EPHA6: variants seen among roughly 807,000 people sequenced by gnomAD.
The protein encoded by EPHA6 is ephrin type-A receptor 6.
Under a neutral mutation model 112.0 loss-of-function variants are expected in EPHA6, and 50 were observed. The ratio of observed to expected loss-of-function variants is 0.45; its 90% CI spans 0.36 to 0.56. EPHA6 has a LOEUF of 0.56. Ranked by LOEUF, EPHA6 falls within the 20% of genes least tolerant of loss-of-function variation. The pLI, the probability that EPHA6 is intolerant of heterozygous loss-of-function variation, is 0.00. For missense variants in EPHA6, 1,280 were observed against 1,417.4 expected (o/e 0.90, Z 1.56); for synonymous variants, 529 against 490.7 (o/e 1.08, Z -1.03).
chr3:97,500,950 C>T (rs2092102339), intron 10 of EPHA6, among the ~76,000 whole-genome samples: 1 of 151,964 alleles, frequency 6.6e-6, no homozygotes, highest in African/African-American at 2.4e-5. Context: ...TTTTCTAGTT[C>T]TAAAGTACTA....
intron 2 of EPHA6, among the ~76,000 whole-genome samples, chr3:96,920,546 T>A (rs2039702612): frequency 6.6e-6 from 1 of 151,858 alleles, no homozygotes; most frequent in Non-Finnish European, 1.5e-5. Flanking sequence ...CAAAAACAAA[T>A]CAACCAGTAA....
intron 4 of EPHA6, 68 bp downstream of exon 4, chr3:97,226,487 A>T: frequency 7.2e-7 from 1 of 1,394,870 alleles, no homozygotes; most frequent in Non-Finnish European, 9.7e-7. Flanking sequence ...TTCTAAATTT[A>T]AAAAATAAGT....
intron 3 of EPHA6, among the ~76,000 whole-genome samples, chr3:97,092,669 A>C (rs537861124): frequency 9.7e-4 from 148 of 152,060 alleles, no homozygotes; most frequent in African/African-American, 3.4e-3. Flanking sequence ...ACTCTTTTCA[A>C]CTTGAAGTGT....
intron 3 of EPHA6, among the ~76,000 whole-genome samples, chr3:97,061,493 A>G (rs2046020052): frequency 6.6e-6 from 1 of 152,188 alleles, no homozygotes; most frequent in Non-Finnish European, 1.5e-5. Context: ...AATTGCAAGG[A>G]TCAGCCCTGT....
Position 97,596,564 on chromosome 3 carries a change from A to T in EPHA6, c.2512+3827A>T, listed in dbSNP as rs553939298. Among the ~76,000 whole-genome samples, 27 of 152,010 alleles carry T rather than the reference A, an allele frequency of 1.8e-4. 1 individual carries two copies. The East Asian group carries it at 5.0e-3, about 28-fold the overall frequency. On this transcript the variant is annotated intron_variant, in intron 12 of 17. Transcript: ENST00000389672. ...ACTATCTGACATCATATGGTATCTT[A>T]AATCTACATAAAATGCAACCATTAC...
chr3:97,633,156 T>C (rs2093917954), intron 13 of EPHA6, among the ~76,000 whole-genome samples: 1 of 152,072 alleles, frequency 6.6e-6, no homozygotes, highest in South Asian at 2.1e-4. Context: ...GAGAGTCTGA[T>C]GGAGCTCTGC....
At chr3:97,129,049 T>A (rs186726447) in intron 3 of EPHA6, among the ~76,000 whole-genome samples, 24 of 147,250 alleles carry the variant, frequency 1.6e-4, no homozygotes, top group Non-Finnish European at 2.9e-4. Context: ...TATTTATATA[T>A]TTTTTTGTAG....
At chr3:97,264,764 T>C (rs2079616634) in intron 5 of EPHA6, among the ~76,000 whole-genome samples, 1 of 152,178 alleles carries the variant, frequency 6.6e-6, no homozygotes, top group Admixed American at 6.5e-5. Flanking sequence ...AGAACAGCTC[T>C]GAGGAGACCC....
chr3:97,007,216 C>T (rs2043914132), intron 3 of EPHA6, among the ~76,000 whole-genome samples: 1 of 152,062 alleles, frequency 6.6e-6, no homozygotes, highest in African/African-American at 2.4e-5. Flanking sequence ...TAAAGTTTTC[C>T]ACTGTTATTG....
At chr3:97,680,379 GTTATTTAGGACCTCAC>G (rs2031764753) in intron 14 of EPHA6, among the ~76,000 whole-genome samples, 1 of 152,198 alleles carries the variant, frequency 6.6e-6, no homozygotes, top group East Asian at 1.9e-4. Flanking sequence ...CATTGCTGAT[GTTATTTAGGACCTCAC>G]TACAAGTGTG....
intron 14 of EPHA6, among the ~76,000 whole-genome samples, chr3:97,690,760 G>T (rs572546255): frequency 3.9e-5 from 6 of 152,208 alleles, no homozygotes; most frequent in African/African-American, 1.4e-4. Flanking sequence ...GAGCCACCAT[G>T]CCCAGCCTTG....
In EPHA6 at chr3:97,608,796, A is replaced by G. The variant is rs142020376; in HGVS notation, c.2513-1997A>G. ...AGGCTAGTTAGGAAAGATGAGGTGCATCACTGGAAAGAATTGACTAACAGG... is the reference window on the plus strand; with the variant it reads ...AGGCTAGTTAGGAAAGATGAGGTGCGTCACTGGAAAGAATTGACTAACAGG... On this transcript the variant is annotated intron_variant, in intron 12 of 17. Transcript: ENST00000389672. Among the ~76,000 whole-genome samples, 336 of 151,448 alleles carry G rather than the reference A, an allele frequency of 2.2e-3. 2 individuals carry two copies. The highest frequency in any genetic ancestry group is 7.8e-3 in the African/African-American group (325 of 41,470).
chr3:96,953,287 TTTTATTTG>T (rs1333842810), intron 2 of EPHA6, among the ~76,000 whole-genome samples: 1 of 152,184 alleles, frequency 6.6e-6, no homozygotes, highest in Non-Finnish European at 1.5e-5. Flanking sequence ...TTTTGAGATG[TTTTATTTG>T]GAAATTCACT....
At chr3:97,686,040 G>A (rs2032224968) in intron 14 of EPHA6, among the ~76,000 whole-genome samples, 1 of 152,028 alleles carries the variant, frequency 6.6e-6, no homozygotes, top group Non-Finnish European at 1.5e-5. Flanking sequence ...AGCAAGATCT[G>A]TACATCTTCT....
intron 3 of EPHA6, among the ~76,000 whole-genome samples, chr3:97,176,434 C>G (rs1288355369): frequency 6.6e-6 from 1 of 151,826 alleles, no homozygotes; most frequent in Non-Finnish European, 1.5e-5. Context: ...GAATTATTCC[C>G]TCCTTCTCTG....
chr3:97,105,406 T>C (rs2047534710), intron 3 of EPHA6, among the ~76,000 whole-genome samples: 1 of 152,158 alleles, frequency 6.6e-6, no homozygotes, highest in Middle Eastern at 3.2e-3. Flanking sequence ...ATTTCATTAT[T>C]TATCCAAATG....
At chr3:97,378,228 A>C (rs1369563356) in intron 5 of EPHA6, among the ~76,000 whole-genome samples, 1 of 152,138 alleles carries the variant, frequency 6.6e-6, no homozygotes, top group African/African-American at 2.4e-5. Context: ...GCTTCAGAGG[A>C]TGCAAGCCCC....
At chr3:97,249,731 C>T (rs2079080853) in intron 5 of EPHA6, among the ~76,000 whole-genome samples, 1 of 152,122 alleles carries the variant, frequency 6.6e-6, no homozygotes, top group African/African-American at 2.4e-5. Flanking sequence ...TAAGAATATC[C>T]TCCATTTACA....
In EPHA6 at chr3:97,754,451, T is replaced by C. The variant is rs2035976107; in HGVS notation, c.*5750T>C. ...GCTCTTAATTCAAAAGAGTTTTTGT[T>C]TTATTAGCATTTACTTTTTGAGATT... On this transcript the variant is annotated 3_prime_UTR_variant, in exon 18 of 18. Transcript: ENST00000389672. Among the ~76,000 whole-genome samples, 1 of 152,204 alleles carries C rather than the reference T, an allele frequency of 6.6e-6. No individual in the cohort carries two copies. Among genetic ancestry groups the C allele is most frequent in the South Asian group, 2.1e-4 (1 of 4,828 alleles).
Sources: allele counts gnomAD v4.1 joint callset (sites outside exome capture counted in the v4.1 genomes callset), GRCh38; gene constraint gnomAD v4.1.1; transcripts MANE v1.5; gene names NCBI Gene and HGNC (gene_info 2026-07-23, HGNC 2026-07-21).